The following RELT variants were observed in gnomAD, a reference collection of about 807,000 sequenced individuals.
RELT encodes the protein tumor necrosis factor receptor superfamily member 19L.
A neutral mutation model predicts 51.1 loss-of-function variants in RELT; 37 were observed. The observed-to-expected ratio is 0.72, with a 90% CI of 0.56 to 0.95. The LOEUF is 0.95. RELT is among the 40% of genes least tolerant of loss of function. RELT has a pLI of 0.00. For synonymous variants in RELT, 241 were observed against 235.7 expected (o/e 1.02, Z -0.21); for missense variants, 535 against 572.6 (o/e 0.93, Z 0.67).
In RELT at chr11:73,388,679, G is replaced by A. The variant is rs568983654; in HGVS notation, c.-25-433G>A. On this transcript the variant is annotated intron_variant, in intron 1 of 10. Transcript: ENST00000064780. This position sits in a 1 kb window ranked among gnomAD's most constrained non-coding sequence, Gnocchi z 4.1. ...GCTTGCAGACCTGTGAGGAGGAGGC[G>A]GGGGGAGCCTGAGCCTGGAGCGCTG... is the stretch of plus-strand genomic sequence containing the variant. 2.5e-4 allele frequency among the ~76,000 whole-genome samples: 38 copies of A among 152,296 alleles called. No individual in the cohort carries two copies. The highest frequency in any genetic ancestry group is 3.4e-3 in the Middle Eastern group (1 of 294).
At chr11:73,381,838 AG>A (rs1302332082) in intron 1 of RELT, among the ~76,000 whole-genome samples, 3 of 152,154 alleles carry the variant, frequency 2.0e-5, no homozygotes, top group Non-Finnish European at 1.5e-5. Context: ...AGAGAGGCCG[AG>A]GCCCCTCTAC....
rs773888178 is a variant in RELT, at chr11:73,395,180, C to T, written c.1140C>T (p.Leu380=). The T allele has an allele frequency of 1.9e-6, 3 of 1,613,278 alleles. No individual in the cohort carries two copies. The East Asian group carries it at 6.7e-5, about 36-fold the overall frequency. ...AGGCTGGGCCCTCGTGGGGTGATCT[C>T]CCTGACTCCCCACAGCCTGGCCTCC... ...ITEAGPSWGD[L]PDSPQPGLPP... Residue 380 remains leucine (L), a synonymous_variant, in exon 10 of 11, where the codon CTC becomes CTT. Transcript: ENST00000064780.
rs775557056 is a variant in RELT, at chr11:73,394,356, C to A, written c.788+39C>A. 58 of 1,610,840 alleles carry A rather than the reference C, an allele frequency of 3.6e-5. 1 individual carries two copies. The South Asian group carries it at 5.7e-4, about 16-fold the overall frequency. On this transcript the variant is annotated intron_variant, in intron 8 of 10. Coordinates refer to ENST00000064780, the MANE Select transcript of RELT (RefSeq NM_152222.2). This position sits in a 1 kb window ranked among gnomAD's most constrained non-coding sequence, Gnocchi z 4.9. ...TGGGAGATAACGGGGCCAAAACCTACATTAACCAGCCTGCCTCCTGGGGAT... is the reference window on the plus strand; with the variant it reads ...TGGGAGATAACGGGGCCAAAACCTAAATTAACCAGCCTGCCTCCTGGGGAT...
chr11:73,386,574 G>T (rs1866127265), intron 1 of RELT, among the ~76,000 whole-genome samples: 1 of 152,182 alleles, frequency 6.6e-6, no homozygotes, highest in Non-Finnish European at 1.5e-5. Context: ...TGGAGTAAGT[G>T]CTGGTTTGGG....
Position 73,395,586 on chromosome 11 carries a change from G to C in RELT, c.*95G>C. 1 of 770,462 alleles carries C rather than the reference G, an allele frequency of 1.3e-6. No homozygotes were observed. Among genetic ancestry groups the C allele is most frequent in the Non-Finnish European group, 2.4e-6 (1 of 412,750 alleles). 47.7% of individuals were successfully genotyped at this position (770,462 alleles called of 1,614,324 possible). A position where few individuals can be genotyped will look rare whatever the true frequency, so the allele number is the denominator to read the frequency against. On this transcript the variant is annotated 3_prime_UTR_variant, in exon 11 of 11. Transcript: ENST00000064780. ...AGCTGCAGCTGGGACTGTGAGGACCGAGAAGCAATGGCCCAGCAGACGAGA... is the reference window on the plus strand; with the variant it reads ...AGCTGCAGCTGGGACTGTGAGGACCCAGAAGCAATGGCCCAGCAGACGAGA...
chr11:73,381,448 C>T (rs1866048985), intron 1 of RELT, among the ~76,000 whole-genome samples: 2 of 152,300 alleles, frequency 1.3e-5, no homozygotes, highest in South Asian at 4.1e-4. Context: ...GACCCTTTCC[C>T]TCCCTCCCTC....
In RELT at chr11:73,394,077, C is replaced by T. The variant is rs1866265323; in HGVS notation, c.707-159C>T. On this transcript the variant is annotated intron_variant, in intron 7 of 10. Coordinates refer to ENST00000064780, the MANE Select transcript of RELT (RefSeq NM_152222.2). The surrounding 1 kb of genome is among the most constrained non-coding windows in gnomAD (Gnocchi z 4.9). ...CTCTCTGACCCAGGAGTGCACACCTCTGCCTCCCATTCTTGCCTGATGAAG... is the reference window on the plus strand; with the variant it reads ...CTCTCTGACCCAGGAGTGCACACCTTTGCCTCCCATTCTTGCCTGATGAAG... The T allele has an allele frequency of 3.8e-5, 36 of 941,840 alleles. No homozygotes were observed. The highest frequency in any genetic ancestry group is 6.0e-5 in the Non-Finnish European group (36 of 603,432). The allele number at this position is 941,840 out of a possible 1,614,324, so 58.3% of individuals were successfully genotyped here. A position where few individuals can be genotyped will look rare whatever the true frequency, so the allele number is the denominator to read the frequency against.
At chr11:73,381,017 C>G (rs978405097) in intron 1 of RELT, among the ~76,000 whole-genome samples, 4 of 152,148 alleles carry the variant, frequency 2.6e-5, no homozygotes, top group African/African-American at 7.2e-5. Context: ...GCTGTCACAT[C>G]CTCAGCCTTA....
In RELT at chr11:73,392,394, A is replaced by G. The variant is rs748942002; in HGVS notation, c.551A>G (p.Asn184Ser). ...LMGLLGILVC[N>S]LLKRKGYHCT... ...GGGCTGTTGGGCATCCTGGTGTGCAACCTCCTCAAGCGGAAGGGCTACCAC... is the reference window on the plus strand; with the variant it reads ...GGGCTGTTGGGCATCCTGGTGTGCAGCCTCCTCAAGCGGAAGGGCTACCAC... Residue 184 changes from asparagine to serine, a missense_variant, in exon 6 of 11, where the codon AAC (asparagine) becomes AGC (serine). Coordinates refer to ENST00000064780, the MANE Select transcript of RELT (RefSeq NM_152222.2). 7.4e-6 allele frequency: 12 copies of G among 1,613,428 alleles called. No individual in the cohort carries two copies. The highest frequency in any genetic ancestry group is 3.3e-5 in the South Asian group (3 of 91,076).
intron 1 of RELT, among the ~76,000 whole-genome samples, chr11:73,383,924 TGA>T (rs1361780780): frequency 2.6e-5 from 4 of 152,218 alleles, no homozygotes; most frequent in African/African-American, 9.6e-5. Context: ...ATTTCTCTGT[TGA>T]TGGGTGGCCT....
chr11:73,394,332 G>A lies in RELT; in HGVS notation c.788+15G>A. The A allele has an allele frequency of 6.2e-7, 1 of 1,612,706 alleles. No homozygotes were observed. Among genetic ancestry groups the A allele is most frequent in the African/African-American group, 1.3e-5 (1 of 74,982 alleles). ...CCTGTGTCCAAGTGAGTGGGCTGGT[G>A]GGAGATAACGGGGCCAAAACCTACA... is the stretch of plus-strand genomic sequence containing the variant. On this transcript the variant is annotated intron_variant, in intron 8 of 10. Coordinates refer to ENST00000064780, the MANE Select transcript of RELT (RefSeq NM_152222.2). The surrounding 1 kb of genome is among the most constrained non-coding windows in gnomAD (Gnocchi z 4.9).
At chr11:73,377,417 C>T (rs920723063) in intron 1 of RELT, among the ~76,000 whole-genome samples, 1 of 152,034 alleles carries the variant, frequency 6.6e-6, no homozygotes, top group African/African-American at 2.4e-5. Flanking sequence ...CCAGGACTGT[C>T]CCCACGAGGG....
Position 73,395,622 on chromosome 11 carries a change from C to G in RELT, c.*131C>G. The G allele has an allele frequency of 1.4e-6, 1 of 727,786 alleles. No homozygotes were observed. The highest frequency in any genetic ancestry group is 2.5e-6 in the Non-Finnish European group (1 of 392,726). The allele number at this position is 727,786 out of a possible 1,614,324, so 45.1% of individuals were successfully genotyped here. ...GCCCAGCAGACGAGACAGCAAAGACCAAGGCCTGGAGGTGGGAGCGTCTGC... is the reference window on the plus strand; with the variant it reads ...GCCCAGCAGACGAGACAGCAAAGACGAAGGCCTGGAGGTGGGAGCGTCTGC... On this transcript the variant is annotated 3_prime_UTR_variant, in exon 11 of 11. Coordinates refer to ENST00000064780, the MANE Select transcript of RELT (RefSeq NM_152222.2).
At chr11:73,391,470 G>T (rs1437439648) in intron 5 of RELT, among the ~76,000 whole-genome samples, 1 of 152,102 alleles carries the variant, frequency 6.6e-6, no homozygotes, top group Admixed American at 6.5e-5. Flanking sequence ...TGGGGGCTGG[G>T]GACTCACATA....
chr11:73,380,864 A>G (rs1280623667), intron 1 of RELT, among the ~76,000 whole-genome samples: 1 of 152,156 alleles, frequency 6.6e-6, no homozygotes, highest in African/African-American at 2.4e-5. Flanking sequence ...TGGTCTCTGG[A>G]CAGGGAGAAT....
chr11:73,394,615 C>T lies in RELT; in HGVS notation c.927C>T (p.Ser309=). The part of the protein sequence containing the change: ...SQKKWPEVLL[S]PEAVAATTPV... ...AGAAGTGGCCCGAGGTGCTGCTGTC[C>T]CCTGAGGCTGTAGCCGCCACTACTC... The change falls in exon 9 of 11, where the codon TCC becomes TCT. Residue 309 remains serine, a synonymous_variant. Transcript: ENST00000064780. This position sits in a 1 kb window ranked among gnomAD's most constrained non-coding sequence, Gnocchi z 4.9. 6.2e-7 allele frequency: 1 copy of T among 1,613,456 alleles called. No individual in the cohort carries two copies.
At chr11:73,382,227 C>T (rs1354610218) in intron 1 of RELT, among the ~76,000 whole-genome samples, 1 of 152,126 alleles carries the variant, frequency 6.6e-6, no homozygotes, top group Admixed American at 6.5e-5. Flanking sequence ...GCCCTGGGGG[C>T]GCCTCTTTCC....
chr11:73,392,347 C>G lies in RELT; in HGVS notation c.504C>G (p.Ile168Met). 2 of 1,613,810 alleles carry G rather than the reference C, an allele frequency of 1.2e-6. No homozygotes were observed. Among genetic ancestry groups the G allele is most frequent in the Non-Finnish European group, 1.7e-6 (2 of 1,179,936 alleles). Residue 168 changes from isoleucine to methionine, a missense_variant, in exon 6 of 11, where the codon ATC (isoleucine) becomes ATG (methionine). Physicochemically the swap from Ile to Met is conservative, Grantham distance 10. Coordinates refer to ENST00000064780, the MANE Select transcript of RELT (RefSeq NM_152222.2). ...ETAAQYAVIA[I>M]VPVFCLMGLL... ...CCGCCCAGTACGCGGTCATCGCCAT[C>G]GTCCCTGTCTTCTGCCTCATGGGGC...
At chr11:73,395,363 C>T (rs7112924) in intron 10 of RELT, 78 bp downstream of exon 10, 178,015 of 1,529,896 alleles carry the variant, frequency 0.12, 12,599 homozygotes, top group African/African-American at 0.31. Flanking sequence ...GGAAGTGCAG[C>T]GGGCCCTAGG....
Sources: allele counts gnomAD v4.1 joint callset (sites outside exome capture counted in the v4.1 genomes callset), GRCh38; gene constraint gnomAD v4.1.1; non-coding constraint Gnocchi (gnomAD v3.1); transcripts MANE v1.5; gene names NCBI Gene and HGNC (gene_info 2026-07-23, HGNC 2026-07-21).